C13orf46: variants seen among roughly 807,000 people sequenced by gnomAD.
C13orf46 encodes the protein chromosome 13 open reading frame 46.
the C13orf46 span, among the ~76,000 whole-genome samples, chr13:113,929,965 A>G: frequency 6.6e-6 from 1 of 152,254 alleles, no homozygotes; most frequent in East Asian, 1.9e-4. Context: ...GCCTGGGAGC[A>G]GCAGCCAAAA....
chr13:113,972,430 G>A (rs577758294), intron 1 of C13orf46, among the ~76,000 whole-genome samples: 113 of 152,248 alleles, frequency 7.4e-4, no homozygotes, highest in Non-Finnish European at 1.4e-3. Flanking sequence ...GAGTCCTACC[G>A]GGCTGTCTCA....
At chr13:113,961,301 TATA>T (rs1197416469) in intron 6 of C13orf46, among the ~76,000 whole-genome samples, 6 of 149,796 alleles carry the variant, frequency 4.0e-5, no homozygotes, top group African/African-American at 1.3e-4. Context: ...TTTATATTAA[TATA>T]ATATCAGTCA....
At chr13:113,935,246 G>A in the C13orf46 span, among the ~76,000 whole-genome samples, 2 of 152,348 alleles carry the variant, frequency 1.3e-5, no homozygotes, top group Admixed American at 6.5e-5. Context: ...CTCGGCCCCC[G>A]GCGCCCTTCA....
At chr13:113,927,763 A>C in the C13orf46 span, 1 of 396,638 alleles carries the variant, frequency 2.5e-6, no homozygotes, top group Non-Finnish European at 4.4e-6. Context: ...CTCCTGGCAG[A>C]CAGACTCCCA....
intron 5 of C13orf46, among the ~76,000 whole-genome samples, chr13:113,965,818 ATGATGGTGATAATGG>A (rs2052634507): frequency 7.2e-6 from 1 of 137,976 alleles, no homozygotes; most frequent in African/African-American, 2.9e-5. Flanking sequence ...GGTGAAGGTG[ATGATGGTGATAATGG>A]TGATGGTGAT....
chr13:113,945,575 A>AAGAAAGAGAG, the C13orf46 span, among the ~76,000 whole-genome samples: 230 of 89,062 alleles, frequency 2.6e-3, 10 homozygotes, highest in Middle Eastern at 0.012. Context: ...GAAAGAAAGA[A>AAGAAAGAGAG]AGAGAGAGAG....
At chr13:113,951,455 A>G (rs1218486178), downstream of C13orf46, among the ~76,000 whole-genome samples, 2 of 152,106 alleles carry the variant, frequency 1.3e-5, no homozygotes, top group Non-Finnish European at 2.9e-5. Context: ...CCGGCCACAC[A>G]GTGCCAGCAC....
downstream of C13orf46, among the ~76,000 whole-genome samples, chr13:113,951,718 G>C (rs996513584): frequency 6.6e-6 from 1 of 152,202 alleles, no homozygotes; most frequent in Non-Finnish European, 1.5e-5. Flanking sequence ...CACAGGCGTC[G>C]CCAGGCCATG....
At chr13:113,929,058 G>A in the C13orf46 span, among the ~76,000 whole-genome samples, 4 of 152,358 alleles carry the variant, frequency 2.6e-5, no homozygotes, top group Admixed American at 2.0e-4. Context: ...TAACCGCCAC[G>A]GCCTGGGAGA....
chr13:113,957,394 G>A (rs1240299953), intron 6 of C13orf46, among the ~76,000 whole-genome samples: 40 of 89,936 alleles, frequency 4.4e-4, no homozygotes, highest in Middle Eastern at 0.013. Flanking sequence ...GGTCTCCCCC[G>A]CACTCTGCCT....
At chr13:113,973,596 C>A (rs1479048907) in intron 1 of C13orf46, among the ~76,000 whole-genome samples, 1 of 152,208 alleles carries the variant, frequency 6.6e-6, no homozygotes, top group African/African-American at 2.4e-5. Flanking sequence ...CTGATTGATG[C>A]CCCACGCCCC....
the C13orf46 span, among the ~76,000 whole-genome samples, chr13:113,940,548 G>A: frequency 1.5e-4 from 14 of 93,650 alleles, no homozygotes; most frequent in Admixed American, 3.1e-4. Context: ...CCTGGTCTCT[G>A]GGACTCCATG....
At chr13:113,973,785 C>T (rs1235409485) in intron 1 of C13orf46, 23 bp downstream of exon 1, 3 of 152,350 alleles carry the variant, frequency 2.0e-5, no homozygotes, top group Admixed American at 6.5e-5. Context: ...TCCACCCGCT[C>T]CCCGCGGCCC....
intron 1 of C13orf46, among the ~76,000 whole-genome samples, chr13:113,971,132 A>G (rs2052700483): frequency 6.6e-6 from 1 of 152,204 alleles, no homozygotes; most frequent in South Asian, 2.1e-4. Context: ...CTCCAGCCGC[A>G]TCGGAGCCGG....
the C13orf46 span, among the ~76,000 whole-genome samples, chr13:113,937,076 G>A: frequency 6.6e-6 from 1 of 152,156 alleles, no homozygotes; most frequent in Non-Finnish European, 1.5e-5. Context: ...TAAACTAAAT[G>A]TCTCCCAGAG....
At chr13:113,950,972 G>A (rs993019516), downstream of C13orf46, among the ~76,000 whole-genome samples, 1 of 152,218 alleles carries the variant, frequency 6.6e-6, no homozygotes, top group Non-Finnish European at 1.5e-5. Context: ...AGAGGAACTC[G>A]GGATGTCCAC....
At chr13:113,947,661 G>A in the C13orf46 span, among the ~76,000 whole-genome samples, 93 of 152,286 alleles carry the variant, frequency 6.1e-4, 1 homozygote, top group East Asian at 9.7e-3. Context: ...CAGCTTCTGC[G>A]GCCCCGGGTG....
At chr13:113,931,241 G>C in the C13orf46 span, among the ~76,000 whole-genome samples, 3 of 152,210 alleles carry the variant, frequency 2.0e-5, no homozygotes, top group Non-Finnish European at 4.4e-5. Flanking sequence ...AGGGTTTTGA[G>C]TAAATGAAAC....
chr13:113,959,136 C>T (rs1022117890), intron 6 of C13orf46, among the ~76,000 whole-genome samples: 1 of 151,974 alleles, frequency 6.6e-6, no homozygotes, highest in Non-Finnish European at 1.5e-5. Flanking sequence ...ATTAGCTGGG[C>T]ATGATGGCAC....
Sources: allele counts gnomAD v4.1 joint callset (sites outside exome capture counted in the v4.1 genomes callset), GRCh38; gene constraint gnomAD v4.1.1; transcripts MANE v1.5; gene names NCBI Gene and HGNC (gene_info 2026-07-23, HGNC 2026-07-21).